Variants in OPRM1 observed in about 807,000 individuals in gnomAD.
OPRM1 encodes the protein opioid receptor mu 1, also known as mu-type opioid receptor.
Under a neutral mutation model 31.8 loss-of-function variants are expected in OPRM1, and 27 were observed. That is an observed-to-expected ratio of 0.85 (90% CI 0.63 to 1.17). The LOEUF is 1.17. Among genes scored for constraint, OPRM1 ranks in the 50% most tolerant of loss-of-function variants. OPRM1 has a pLI of 0.00. For missense variants in OPRM1, 536 were observed against 511.1 expected (o/e 1.05, Z -0.47); for synonymous variants, 196 against 189.9 (o/e 1.03, Z -0.26).
At chr6:154,114,163 G>A (rs574317220) in intron 3 of OPRM1, among the ~76,000 whole-genome samples, 119 of 152,270 alleles carry the variant, frequency 7.8e-4, no homozygotes, top group African/African-American at 2.5e-3. Context: ...GATAAGGCAC[G>A]TATTGTCTCT....
Position 154,101,129 on chromosome 6 carries a change from G to A in OPRM1, c.1164+9657G>A, listed in dbSNP as rs1794771914. On this transcript the variant is annotated intron_variant, in intron 3 of 3. Transcript: ENST00000330432. ...CAAATAGCAAAATATTTTTTAAAACGTTGACAACCAGAAAATTCAGTGAAA... is the reference window on the plus strand; with the variant it reads ...CAAATAGCAAAATATTTTTTAAAACATTGACAACCAGAAAATTCAGTGAAA... Among the ~76,000 whole-genome samples the A allele has an allele frequency of 2.6e-5, 4 of 151,836 alleles. No homozygotes were observed. In the South Asian group the frequency reaches 6.2e-4, roughly 24 times the overall value.
At chr6:154,081,460 C>T (rs11752860) in intron 1 of OPRM1, among the ~76,000 whole-genome samples, 1 of 152,070 alleles carries the variant, frequency 6.6e-6, no homozygotes. Flanking sequence ...GAGCCGAGAT[C>T]GCGCCACTGC....
intron 3 of OPRM1, chr6:154,158,950 T>C (rs1298425846): frequency 2.6e-5 from 4 of 152,198 alleles, no homozygotes; most frequent in African/African-American, 9.6e-5. Context: ...ACAATTCAGA[T>C]GCCAAAGTCG....
intron 3 of OPRM1, among the ~76,000 whole-genome samples, chr6:154,140,612 G>A (rs570329842): frequency 3.3e-5 from 5 of 152,300 alleles, no homozygotes; most frequent in East Asian, 1.9e-4. Flanking sequence ...TTACAGGTGT[G>A]AGCAGCCCCG....
chr6:154,095,070 T>A (rs946044400), intron 3 of OPRM1, among the ~76,000 whole-genome samples: 2 of 152,170 alleles, frequency 1.3e-5, no homozygotes, highest in African/African-American at 4.8e-5. Flanking sequence ...GGCTAGTGGA[T>A]CACCTGGGGT....
chr6:154,109,804 G>C (rs367874387), intron 3 of OPRM1, among the ~76,000 whole-genome samples: 34 of 114,370 alleles, frequency 3.0e-4, no homozygotes, highest in Middle Eastern at 4.8e-3. Flanking sequence ...GTGTGTGTGT[G>C]TGTGTGTGTG....
intron 3 of OPRM1, chr6:154,167,890 G>A: frequency 6.6e-7 from 1 of 1,515,104 alleles, no homozygotes; most frequent in Non-Finnish European, 9.0e-7. Flanking sequence ...CACATCCATA[G>A]AGTTCATCCA....
intron 3 of OPRM1, among the ~76,000 whole-genome samples, chr6:154,185,163 C>G (rs1042235147): frequency 6.6e-6 from 1 of 152,150 alleles, no homozygotes; most frequent in Non-Finnish European, 1.5e-5. Context: ...ATGATATACT[C>G]AGCTGTATGT....
At chr6:154,117,791 G>A (rs1183939323) in intron 3 of OPRM1, among the ~76,000 whole-genome samples, 3 of 151,010 alleles carry the variant, frequency 2.0e-5, no homozygotes, top group African/African-American at 7.3e-5. Flanking sequence ...GACCTAATCT[G>A]TTCTTTATTC....
chr6:154,085,580 T>C (rs1207720025), intron 1 of OPRM1, among the ~76,000 whole-genome samples: 1 of 152,228 alleles, frequency 6.6e-6, no homozygotes, highest in Non-Finnish European at 1.5e-5. Flanking sequence ...AATATCAGGA[T>C]GGCCTGTGAG....
chr6:154,147,082 G>A (rs1378333558), intron 3 of OPRM1, among the ~76,000 whole-genome samples: 1 of 152,160 alleles, frequency 6.6e-6, no homozygotes, highest in Non-Finnish European at 1.5e-5. Flanking sequence ...GAGAGGTGGG[G>A]AAGGGGAGCA....
At chr6:154,140,740 G>A (rs1447498786) in intron 3 of OPRM1, among the ~76,000 whole-genome samples, 3 of 152,098 alleles carry the variant, frequency 2.0e-5, no homozygotes, top group Non-Finnish European at 4.4e-5. Flanking sequence ...ACCCACAGAG[G>A]GCACCCTGCC....
intron 1 of OPRM1, among the ~76,000 whole-genome samples, chr6:154,024,612 ATTCT>A (rs1470290989): frequency 2.8e-5 from 4 of 141,476 alleles, no homozygotes; most frequent in African/African-American, 1.0e-4. Context: ...TGTTTTCCTA[ATTCT>A]TTAAGATGCA....
rs138191897 is a variant in OPRM1, at chr6:154,046,262, C to T, written c.290+6428C>T. 2.0e-5 allele frequency among the ~76,000 whole-genome samples: 3 copies of T among 152,218 alleles called. 1 individual carries two copies. Among genetic ancestry groups the T allele is most frequent in the East Asian group, 3.9e-4 (2 of 5,190 alleles). ...GCTTTTCCTTCCATTTTTGTTCCTG[C>T]CTTGGGATTTAGGAAAGGCTTTTTT... On this transcript the variant is annotated intron_variant, in intron 1 of 3. Coordinates refer to ENST00000330432, the MANE Select transcript of OPRM1 (RefSeq NM_000914.5).
chr6:154,234,660 T>TA (rs1779977528), intron 3 of OPRM1, among the ~76,000 whole-genome samples: 1 of 152,204 alleles, frequency 6.6e-6, no homozygotes, highest in South Asian at 2.1e-4. Context: ...CTATGCTTTG[T>TA]AAGTCACCTC....
intron 1 of OPRM1, among the ~76,000 whole-genome samples, chr6:154,085,892 T>TTTTTTTTTTC: frequency 6.7e-6 from 1 of 148,358 alleles, no homozygotes. Flanking sequence ...CTTGCCCTTT[T>TTTTTTTTTTC]TTTTTTTTTT....
chr6:154,078,458 G>C (rs746433625), intron 1 of OPRM1, among the ~76,000 whole-genome samples: 1 of 152,166 alleles, frequency 6.6e-6, no homozygotes, highest in Non-Finnish European at 1.5e-5. Context: ...CACAGGGAGA[G>C]CAAATGACTG....
intron 3 of OPRM1, among the ~76,000 whole-genome samples, chr6:154,230,232 G>GT (rs1321389752): frequency 5.3e-5 from 8 of 152,150 alleles, no homozygotes; most frequent in Non-Finnish European, 1.2e-4. Context: ...TAATAAAGCT[G>GT]TTTTTAAAAA....
At chr6:154,152,327 G>GAGA (rs1562510505) in intron 3 of OPRM1, among the ~76,000 whole-genome samples, 1 of 28,646 alleles carries the variant, frequency 3.5e-5, no homozygotes, top group Non-Finnish European at 6.9e-5. Flanking sequence ...AAGAAAGAAA[G>GAGA]AAAGAAAGAA....
Sources: gnomAD v4.1 joint callset for allele counts (sites outside exome capture counted in the v4.1 genomes callset) on GRCh38, gnomAD v4.1.1 for gene constraint, MANE v1.5 for transcripts, NCBI Gene and HGNC (gene_info 2026-07-23, HGNC 2026-07-21) for gene names.